Variants in CAPRIN1 observed in about 807,000 individuals in gnomAD.
The protein encoded by CAPRIN1 is cell cycle associated protein 1.
A neutral mutation model predicts 100.9 loss-of-function variants in CAPRIN1; 29 were observed. That is an observed-to-expected ratio of 0.29 (90% CI 0.21 to 0.39). The LOEUF is 0.39. Ranked by LOEUF, CAPRIN1 falls within the 10% of genes least tolerant of loss-of-function variation. The pLI, the probability that CAPRIN1 is intolerant of heterozygous loss-of-function variation, is 1.00. For synonymous variants in CAPRIN1, 338 were observed against 307.5 expected (o/e 1.10, Z -1.04); for missense variants, 795 against 876.7 (o/e 0.91, Z 1.18).
At chr11:34,080,327 T>A (rs1046021355) in intron 7 of CAPRIN1, among the ~76,000 whole-genome samples, 2 of 152,310 alleles carry the variant, frequency 1.3e-5, no homozygotes, top group African/African-American at 4.8e-5. Flanking sequence ...TATTATAAAC[T>A]GATAGATAGT....
intron 14 of CAPRIN1, 49 bp downstream of exon 14, chr11:34,090,727 G>T: frequency 1.9e-6 from 3 of 1,549,492 alleles, no homozygotes; most frequent in Non-Finnish European, 1.8e-6. Flanking sequence ...TATGAATCAT[G>T]GTAGATTTTC....
intron 15 of CAPRIN1, chr11:34,096,248 T>C (rs1459090430): frequency 2.4e-6 from 1 of 416,974 alleles, no homozygotes; most frequent in African/African-American, 2.1e-5. Flanking sequence ...GCACCCTGCT[T>C]TCAAAGGTTT....
intron 7 of CAPRIN1, among the ~76,000 whole-genome samples, chr11:34,081,395 C>T (rs574694417): frequency 6.6e-6 from 1 of 152,148 alleles, no homozygotes; most frequent in South Asian, 2.1e-4. Flanking sequence ...GATGGGGTTT[C>T]ACCATGTTGG....
At chr11:34,066,568 G>C (rs1028051656) in intron 2 of CAPRIN1, among the ~76,000 whole-genome samples, 1 of 151,560 alleles carries the variant, frequency 6.6e-6, no homozygotes, top group East Asian at 1.9e-4. Flanking sequence ...TCCTGACCTT[G>C]TGATCCGCCT....
At chr11:34,059,459 G>A (rs1222906097) in intron 2 of CAPRIN1, among the ~76,000 whole-genome samples, 3 of 151,968 alleles carry the variant, frequency 2.0e-5, no homozygotes, top group Admixed American at 6.6e-5. Flanking sequence ...TAGTAGAGAC[G>A]GGGTTTCGCC....
At chr11:34,062,431 T>C (rs1011788005) in intron 2 of CAPRIN1, among the ~76,000 whole-genome samples, 2 of 151,938 alleles carry the variant, frequency 1.3e-5, no homozygotes, top group African/African-American at 4.8e-5. Flanking sequence ...CAAGACCATC[T>C]TGGCTAACAC....
intron 2 of CAPRIN1, among the ~76,000 whole-genome samples, chr11:34,065,729 A>G (rs1341572682): frequency 1.3e-5 from 2 of 152,134 alleles, no homozygotes; most frequent in Non-Finnish European, 1.5e-5. Context: ...TAAGGGAAAA[A>G]CTAGTGCCTT....
Position 34,083,035 on chromosome 11 carries a change from G to A in CAPRIN1, c.960G>A (p.Thr320=), listed in dbSNP as rs768535830. ...KEQVDEWTVE[T]VEVVNSLQQQ... The stretch of plus-strand genomic sequence containing the variant: ...AGGTAGATGAGTGGACAGTTGAAAC[G>A]GTTGAGGTAAGAGTTCTCTGTATTG... The change falls in exon 9 of 19, where the codon ACG becomes ACA. Residue 320 remains threonine, a synonymous_variant. Coordinates refer to ENST00000341394, the MANE Select transcript of CAPRIN1 (RefSeq NM_005898.5). The A allele has an allele frequency of 6.8e-6, 11 of 1,611,510 alleles. No homozygotes were observed. The highest frequency in any genetic ancestry group is 2.2e-5 in the South Asian group (2 of 91,016).
intron 2 of CAPRIN1, among the ~76,000 whole-genome samples, chr11:34,054,390 C>G (rs955496847): frequency 1.3e-5 from 2 of 152,008 alleles, no homozygotes; most frequent in Admixed American, 6.6e-5. Flanking sequence ...TCTTCTGAGT[C>G]TGACACATGA....
chr11:34,096,502 C>G lies in CAPRIN1; in HGVS notation c.1729C>G (p.Pro577Ala). The G allele has an allele frequency of 1.9e-6, 3 of 1,613,828 alleles. No individual in the cohort carries two copies. Among genetic ancestry groups the G allele is most frequent in the Non-Finnish European group, 1.7e-6 (2 of 1,179,886 alleles). Residue 577 changes from proline (P) to alanine (A), a missense_variant, in exon 16 of 19, where the codon CCA (proline) becomes GCA (alanine). This residue lies in a region of CAPRIN1 where 648 missense variants were observed against 697.9 expected (regional missense o/e 0.93). Transcript: ENST00000341394. ...AGTGGTTGGCACTTACCATGGTTCCCCAGACCAGTCCCATCAAGTGACTGG... is the reference window on the plus strand; with the variant it reads ...AGTGGTTGGCACTTACCATGGTTCCGCAGACCAGTCCCATCAAGTGACTGG... Reference protein sequence around the residue: ...QTVVGTYHGSPDQSHQVTGNH... With the variant: ...QTVVGTYHGSADQSHQVTGNH...
chr11:34,081,206 CTTT>C (rs60982279), intron 7 of CAPRIN1, among the ~76,000 whole-genome samples: 2 of 143,510 alleles, frequency 1.4e-5, no homozygotes, highest in Non-Finnish European at 3.1e-5. Flanking sequence ...AAGTTGAATT[CTTT>C]TTTTTTTTTT....
rs1851245550 is a variant in CAPRIN1 at position 34,090,646 on chromosome 11, G to A, written c.1522G>A (p.Val508Ile). Residue 508 changes from valine (V) to isoleucine (I), a missense_variant, in exon 14 of 19, where the codon GTA becomes ATA. Val to Ile is a conservative substitution (Grantham distance 29). This residue lies in a region of CAPRIN1 where 648 missense variants were observed against 697.9 expected (regional missense o/e 0.93). Transcript: ENST00000341394. ...ACCTTTACATAGCAGTGGAATCAATGTAAATGCAGCTCCATTCCAATCCAT... is the reference window on the plus strand; with the variant it reads ...ACCTTTACATAGCAGTGGAATCAATATAAATGCAGCTCCATTCCAATCCAT... ...SKPLHSSGIN[V>I]NAAPFQSMQT... The A allele has an allele frequency of 6.2e-7, 1 of 1,614,134 alleles. No individual in the cohort carries two copies. Among genetic ancestry groups the A allele is most frequent in the Non-Finnish European group, 8.5e-7 (1 of 1,179,990 alleles).
At chr11:34,056,212 G>A (rs536042544) in intron 2 of CAPRIN1, among the ~76,000 whole-genome samples, 3 of 152,118 alleles carry the variant, frequency 2.0e-5, no homozygotes, top group South Asian at 2.1e-4. Flanking sequence ...TATTCTTATC[G>A]GAGCCTTCTG....
rs1850975861 is a variant in CAPRIN1, at chr11:34,079,780, GA to G, written c.826+16del. 6.2e-7 allele frequency: 1 copy of G among 1,601,826 alleles called. No homozygotes were observed. The highest frequency in any genetic ancestry group is 8.5e-7 in the Non-Finnish European group (1 of 1,174,350). ...ACCTGAAGCTGGTGAGTATTAGGTG[GA>G]TATCAACTTTAGTTTAGGGTCCTGG... On this transcript the variant is annotated intron_variant, in intron 7 of 18. Coordinates refer to ENST00000341394, the MANE Select transcript of CAPRIN1 (RefSeq NM_005898.5).
At chr11:34,055,669 A>G (rs1057282326) in intron 2 of CAPRIN1, 1 of 152,180 alleles carries the variant, frequency 6.6e-6, no homozygotes, top group African/African-American at 2.4e-5. Context: ...ATTATTACAT[A>G]GGTTATTAAC....
At chr11:34,080,113 C>G (rs1002547722) in intron 7 of CAPRIN1, among the ~76,000 whole-genome samples, 1 of 151,984 alleles carries the variant, frequency 6.6e-6, no homozygotes, top group Admixed American at 6.6e-5. Context: ...TTAGTAAAGA[C>G]GGGGTTTCAC....
At chr11:34,082,803 G>A (rs758553410) in intron 7 of CAPRIN1, 22 bp from the exon 8 acceptor site, 13 of 1,606,428 alleles carry the variant, frequency 8.1e-6, no homozygotes, top group Non-Finnish European at 9.4e-6. Flanking sequence ...CTTTTGTTTT[G>A]CACCATTTTT....
At chr11:34,059,269 TG>T (rs1022422088) in intron 2 of CAPRIN1, among the ~76,000 whole-genome samples, 11 of 150,940 alleles carry the variant, frequency 7.3e-5, no homozygotes, top group African/African-American at 2.5e-4. Context: ...TTCTTGACAT[TG>T]TTTTTTTTTT....
chr11:34,077,599 T>C (rs972292746), intron 6 of CAPRIN1, among the ~76,000 whole-genome samples: 1 of 152,240 alleles, frequency 6.6e-6, no homozygotes, highest in Admixed American at 6.5e-5. Flanking sequence ...TAGATTCTTA[T>C]CTTTGCCATT....
Sources: allele counts gnomAD v4.1 joint callset (sites outside exome capture counted in the v4.1 genomes callset), GRCh38; gene constraint gnomAD v4.1.1; regional missense constraint gnomAD v4.1.1; transcripts MANE v1.5; gene names NCBI Gene and HGNC (gene_info 2026-07-23, HGNC 2026-07-21).